Variants in ALDH1A2 observed in about 807,000 individuals in gnomAD.
ALDH1A2 encodes retinal dehydrogenase 2.
A neutral mutation model predicts 60.3 loss-of-function variants in ALDH1A2; 27 were observed. The ratio of observed to expected loss-of-function variants is 0.45; its 90% CI spans 0.33 to 0.62. The LOEUF (loss-of-function observed/expected upper bound fraction) is 0.62, where lower values mean the gene tolerates loss of function less well. Among genes scored for constraint, ALDH1A2 ranks in the 20% least tolerant of loss-of-function variants. ALDH1A2 has a pLI of 0.02. For missense variants in ALDH1A2, 581 were observed against 643.8 expected (o/e 0.90, Z 1.06); for synonymous variants, 289 against 232.4 (o/e 1.24, Z -2.21).
rs531227413 is a variant in ALDH1A2, at chr15:58,029,009, A to T, written c.118-14728T>A. Among the ~76,000 whole-genome samples, 8 of 152,318 alleles carry T rather than the reference A, an allele frequency of 5.3e-5. No homozygotes were observed. The South Asian group carries it at 1.7e-3, about 32-fold the overall frequency. On this transcript the variant is annotated intron_variant, in intron 1 of 12. Transcript: ENST00000249750. ...ACATCTACAAGAAAGAAGGTTAACA[A>T]GGATATCCAGGACTTGAACTCAGCA...
intron 1 of ALDH1A2, among the ~76,000 whole-genome samples, chr15:58,053,961 T>A (rs909714107): frequency 3.3e-5 from 5 of 152,320 alleles, no homozygotes; most frequent in Middle Eastern, 3.4e-3. Context: ...CAGGCTGTTA[T>A]CTGGAATAGT....
intron 4 of ALDH1A2, among the ~76,000 whole-genome samples, chr15:58,005,993 CATT>C (rs1349712368): frequency 1.4e-3 from 214 of 150,722 alleles, no homozygotes; most frequent in African/African-American, 4.9e-3. Flanking sequence ...TTCTCAGAGT[CATT>C]TACGGGCATG....
intron 5 of ALDH1A2, 51 bp downstream of exon 5, chr15:57,995,027 G>C (rs1430903209): frequency 6.6e-7 from 1 of 1,521,472 alleles, no homozygotes; most frequent in East Asian, 2.3e-5. Context: ...GTGTCTTTAA[G>C]AGAACTGGGT....
chr15:58,064,433 G>T (rs1566965636), intron 1 of ALDH1A2, among the ~76,000 whole-genome samples: 1 of 152,120 alleles, frequency 6.6e-6, no homozygotes, highest in African/African-American at 2.4e-5. Flanking sequence ...GTTGTTTCTT[G>T]TATATCTCAT....
At chr15:57,970,906 G>C (rs1188976235) in intron 7 of ALDH1A2, among the ~76,000 whole-genome samples, 1 of 152,144 alleles carries the variant, frequency 6.6e-6, no homozygotes. Flanking sequence ...GAATAGAAAT[G>C]CCAAAAATAT....
At chr15:58,003,482 T>C (rs1205048165) in intron 4 of ALDH1A2, among the ~76,000 whole-genome samples, 2 of 151,976 alleles carry the variant, frequency 1.3e-5, no homozygotes, top group African/African-American at 4.8e-5. Context: ...GAAAGTTATA[T>C]ATGACCTGGG....
chr15:58,045,545 C>A (rs879551942), intron 1 of ALDH1A2, among the ~76,000 whole-genome samples: 1 of 152,022 alleles, frequency 6.6e-6, no homozygotes, highest in Non-Finnish European at 1.5e-5. Context: ...ACATATACAC[C>A]ATGGAATACT....
chr15:58,060,584 T>C (rs1185937714), intron 1 of ALDH1A2, among the ~76,000 whole-genome samples: 2 of 150,190 alleles, frequency 1.3e-5, no homozygotes, highest in African/African-American at 4.9e-5. Flanking sequence ...CTGACCAGGA[T>C]TTGATCAAAG....
intron 8 of ALDH1A2, among the ~76,000 whole-genome samples, chr15:57,965,212 G>A (rs566949945): frequency 6.6e-6 from 1 of 152,130 alleles, no homozygotes; most frequent in African/African-American, 2.4e-5. Context: ...TACTCATACC[G>A]AACTGACCCA....
rs1341864809 is a variant in ALDH1A2, at chr15:57,954,525, A to AATC, written c.*669_*671dup. ...GATGACTTCCAGTCTCTATTGTCCC[A>AATC]ATCTTTTTTCATTCATGTTATTTAT... On this transcript the variant is annotated 3_prime_UTR_variant, in exon 13 of 13. Coordinates refer to ENST00000249750, the MANE Select transcript of ALDH1A2 (RefSeq NM_003888.4). The AATC allele has an allele frequency of 2.1e-4, 33 of 157,500 alleles. No individual in the cohort carries two copies. Among genetic ancestry groups the AATC allele is most frequent in the Admixed American group, 1.7e-3 (29 of 16,624 alleles). 9.8% of individuals were successfully genotyped at this position (157,500 alleles called of 1,614,324 possible).
intron 7 of ALDH1A2, among the ~76,000 whole-genome samples, chr15:57,972,917 G>A (rs1432404465): frequency 6.6e-6 from 1 of 152,152 alleles, no homozygotes; most frequent in Non-Finnish European, 1.5e-5. Context: ...CTAACTAGGA[G>A]AGAGCTGACC....
intron 7 of ALDH1A2, chr15:57,990,264 A>G (rs999533835): frequency 1.8e-4 from 28 of 152,324 alleles, no homozygotes; most frequent in African/African-American, 4.8e-4. Flanking sequence ...CCACTTCTAG[A>G]ACCATATCCA....
At chr15:58,024,016 C>G (rs1896004167) in intron 1 of ALDH1A2, among the ~76,000 whole-genome samples, 1 of 152,160 alleles carries the variant, frequency 6.6e-6, no homozygotes, top group Non-Finnish European at 1.5e-5. Flanking sequence ...TCGCTTGAAC[C>G]TGGGAGGTGG....
chr15:57,996,598 C>T (rs1595652836), intron 4 of ALDH1A2, among the ~76,000 whole-genome samples: 1 of 151,168 alleles, frequency 6.6e-6, no homozygotes, highest in African/African-American at 2.4e-5. Flanking sequence ...GTAAACCCTC[C>T]TACTAAGGGA....
intron 4 of ALDH1A2, among the ~76,000 whole-genome samples, chr15:58,006,206 A>G (rs9635349): frequency 0.88 from 133,501 of 151,768 alleles, 60,232 homozygotes; most frequent in East Asian, 1. Flanking sequence ...CCATTATAAC[A>G]GTCTTACGCC....
At chr15:57,990,723 AAAATTAG>A (rs1178111971) in intron 7 of ALDH1A2, 1 of 152,050 alleles carries the variant, frequency 6.6e-6, no homozygotes, top group African/African-American at 2.4e-5. Flanking sequence ...TAAAAATACG[AAAATTAG>A]CCGGGCATGG....
At chr15:57,977,577 C>G (rs192328665) in intron 7 of ALDH1A2, among the ~76,000 whole-genome samples, 1 of 152,244 alleles carries the variant, frequency 6.6e-6, no homozygotes, top group African/African-American at 2.4e-5. Context: ...CTATGTATAT[C>G]TGTGTTTGTA....
At chr15:57,983,110 AT>A (rs1337831248) in intron 7 of ALDH1A2, among the ~76,000 whole-genome samples, 1 of 152,226 alleles carries the variant, frequency 6.6e-6, no homozygotes, top group Non-Finnish European at 1.5e-5. Context: ...TGGTGTTTAA[AT>A]GACTGTTAAA....
rs758977312 is a variant in ALDH1A2 at position 58,051,655 on chromosome 15, C to T, written c.117+13879G>A. Reference sequence around the variant, plus strand: ...AGAATGTCAACTTCATTTGCAGTGGCCCCATATGGCCTGATCACTCTCCCT... The same window carrying T: ...AGAATGTCAACTTCATTTGCAGTGGTCCCATATGGCCTGATCACTCTCCCT... On this transcript the variant is annotated intron_variant, in intron 1 of 12. Coordinates refer to ENST00000249750, the MANE Select transcript of ALDH1A2 (RefSeq NM_003888.4). 1.3e-3 allele frequency among the ~76,000 whole-genome samples: 197 copies of T among 152,104 alleles called. 4 individuals carry two copies. The highest frequency in any genetic ancestry group is 3.4e-4 in the Non-Finnish European group (23 of 68,004).
Sources: gnomAD v4.1 joint callset for allele counts (sites outside exome capture counted in the v4.1 genomes callset) on GRCh38, gnomAD v4.1.1 for gene constraint, MANE v1.5 for transcripts, NCBI Gene and HGNC (gene_info 2026-07-23, HGNC 2026-07-21) for gene names.